The following ZNF385D variants were observed in gnomAD, a reference collection of about 807,000 sequenced individuals.
ZNF385D encodes zinc finger protein 659.
ZNF385D carries 15 observed loss-of-function variants against 35.8 expected under a neutral mutation model. That is an observed-to-expected ratio of 0.42 (90% CI 0.28 to 0.64). ZNF385D has a LOEUF of 0.64. Ranked by LOEUF, ZNF385D falls within the 30% of genes least tolerant of loss-of-function variation. ZNF385D has a pLI of 0.23. For missense variants in ZNF385D, 474 were observed against 494.6 expected, an observed-to-expected ratio of 0.96 and a Z score of 0.39; for synonymous variants, 212 against 186.8, an observed-to-expected ratio of 1.13 and a Z score of -1.10.
intron 2 of ZNF385D, among the ~76,000 whole-genome samples, chr3:22,274,308 A>T (rs768438055): frequency 1.6e-4 from 24 of 151,992 alleles, no homozygotes; most frequent in Non-Finnish European, 2.5e-4. Context: ...ACCTTATAGA[A>T]AAAGATATAA....
intron 2 of ZNF385D, among the ~76,000 whole-genome samples, chr3:22,230,057 C>T (rs1251876204): frequency 6.6e-6 from 1 of 152,162 alleles, no homozygotes; most frequent in African/African-American, 2.4e-5. Flanking sequence ...CTTAGATAAT[C>T]TTCTGTGCCC....
chr3:21,862,002 G>A (rs370920292), intron 3 of ZNF385D, among the ~76,000 whole-genome samples: 3 of 151,994 alleles, frequency 2.0e-5, no homozygotes, highest in Admixed American at 6.6e-5. Context: ...TAACACTAAC[G>A]CTCTATCATC....
At chr3:22,345,177 AT>A (rs1264234768) in intron 2 of ZNF385D, among the ~76,000 whole-genome samples, 7 of 152,186 alleles carry the variant, frequency 4.6e-5, no homozygotes, top group African/African-American at 1.7e-4. Context: ...TTTTAATATT[AT>A]TGTTTTAGTT....
intron 3 of ZNF385D, among the ~76,000 whole-genome samples, chr3:21,814,924 T>C (rs957922648): frequency 2.0e-5 from 3 of 152,138 alleles, no homozygotes; most frequent in Non-Finnish European, 4.4e-5. Flanking sequence ...ACTGACCACA[T>C]AGTTGGAAGT....
At chr3:21,891,297 C>G (rs1448565233) in intron 3 of ZNF385D, among the ~76,000 whole-genome samples, 1 of 152,034 alleles carries the variant, frequency 6.6e-6, no homozygotes, top group South Asian at 2.1e-4. Flanking sequence ...AAGGAGCTAT[C>G]CAGGAAGTAC....
rs188571650 is a variant in ZNF385D at position 21,516,212 on chromosome 3, C to T, written c.277-5189G>A. Among the ~76,000 whole-genome samples, 6 of 152,286 alleles carry T rather than the reference C, an allele frequency of 3.9e-5. No homozygotes were observed. The East Asian group carries it at 1.2e-3, about 29-fold the overall frequency. On this transcript the variant is annotated intron_variant, in intron 3 of 7. Coordinates refer to ENST00000281523, the MANE Select transcript of ZNF385D (RefSeq NM_024697.3). ...AATTTGAGTGATAACTTGAGTTCTC[C>T]CACATGTCCAGCCTTATGTTAATTA...
At chr3:21,446,735 C>T (rs186501720) in intron 4 of ZNF385D, among the ~76,000 whole-genome samples, 6 of 152,004 alleles carry the variant, frequency 3.9e-5, no homozygotes, top group South Asian at 4.2e-4. Flanking sequence ...TCAGGTGATC[C>T]GCCCTCCTCA....
intron 3 of ZNF385D, among the ~76,000 whole-genome samples, chr3:21,926,919 T>C (rs956653297): frequency 1.3e-5 from 2 of 152,116 alleles, no homozygotes; most frequent in Non-Finnish European, 2.9e-5. Context: ...AGGGCTAATA[T>C]CCAGAATCTA....
At chr3:21,944,940 T>C (rs1008611550) in intron 3 of ZNF385D, among the ~76,000 whole-genome samples, 15 of 152,116 alleles carry the variant, frequency 9.9e-5, no homozygotes, top group Non-Finnish European at 2.2e-4. Context: ...TAATGAGTTT[T>C]GTAACTCTCA....
intron 3 of ZNF385D, among the ~76,000 whole-genome samples, chr3:22,030,296 T>TTG (rs1485385805): frequency 5.0e-5 from 5 of 100,206 alleles, no homozygotes; most frequent in African/African-American, 2.1e-4. Flanking sequence ...TATATATATA[T>TTG]ATATATCCTA....
chr3:21,433,535 C>G (rs1429013195), intron 5 of ZNF385D, among the ~76,000 whole-genome samples: 1 of 152,088 alleles, frequency 6.6e-6, no homozygotes, highest in Non-Finnish European at 1.5e-5. Context: ...TGAAAGAAAG[C>G]AGAGAAGTGT....
At chr3:21,642,017 T>C (rs2065621937) in intron 2 of ZNF385D, among the ~76,000 whole-genome samples, 3 of 152,106 alleles carry the variant, frequency 2.0e-5, no homozygotes, top group Admixed American at 2.0e-4. Context: ...ACGTGTACAG[T>C]AAAGAAACAG....
In ZNF385D at chr3:22,244,822, AT is replaced by A. The variant is rs879833293; in HGVS notation, c.107-75788del. Among the ~76,000 whole-genome samples the A allele has an allele frequency of 4.9e-3, 733 of 148,800 alleles. 36 individuals carry two copies. Among genetic ancestry groups the A allele is most frequent in the African/African-American group, 0.015 (616 of 40,204 alleles). Reference sequence around the variant, plus strand: ...TATTTTGGGGGAATTTTTTTCCTTGATTTTTTTTTTCTCATCTGCTATACAA... The same window carrying A: ...TATTTTGGGGGAATTTTTTTCCTTGATTTTTTTTTCTCATCTGCTATACAA... On this transcript the variant is annotated intron_variant, in intron 2 of 5. Coordinates refer to the ZNF385D transcript ENST00000494108.
chr3:21,696,497 G>A (rs2067475831), intron 1 of ZNF385D, among the ~76,000 whole-genome samples: 1 of 152,118 alleles, frequency 6.6e-6, no homozygotes, highest in African/African-American at 2.4e-5. Context: ...GTAGAAGCTG[G>A]CCCATATGAG....
At chr3:22,364,779 C>A (rs1006442763) in intron 2 of ZNF385D, among the ~76,000 whole-genome samples, 1 of 152,058 alleles carries the variant, frequency 6.6e-6, no homozygotes, top group Non-Finnish European at 1.5e-5. Flanking sequence ...TAAGGGATAT[C>A]TGTGCACTCA....
chr3:21,752,754 T>A (rs190007377), upstream of ZNF385D, among the ~76,000 whole-genome samples: 26 of 152,232 alleles, frequency 1.7e-4, no homozygotes, highest in Admixed American at 1.6e-3. Context: ...GGATATTAAC[T>A]TTTTTACTCC....
intron 1 of ZNF385D, among the ~76,000 whole-genome samples, chr3:21,725,171 A>T (rs1043837396): frequency 6.6e-6 from 1 of 152,226 alleles, no homozygotes; most frequent in Non-Finnish European, 1.5e-5. Flanking sequence ...TTTCTGGGAC[A>T]CATTTAAAGC....
chr3:22,159,935 C>CA (rs1426335952), intron 3 of ZNF385D, among the ~76,000 whole-genome samples: 1 of 151,992 alleles, frequency 6.6e-6, no homozygotes, highest in Non-Finnish European at 1.5e-5. Context: ...TGTCCCCAGC[C>CA]AAAATCTCAT....
At chr3:21,909,091 A>G (rs151005582) in intron 3 of ZNF385D, among the ~76,000 whole-genome samples, 1 of 152,044 alleles carries the variant, frequency 6.6e-6, no homozygotes, top group Non-Finnish European at 1.5e-5. Context: ...ACGTTCATTG[A>G]TAGCACTAGG....
Sources: allele counts gnomAD v4.1 joint callset (sites outside exome capture counted in the v4.1 genomes callset), GRCh38; gene constraint gnomAD v4.1.1; transcripts MANE v1.5; gene names NCBI Gene and HGNC (gene_info 2026-07-23, HGNC 2026-07-21).